Variants in ESYT2 observed in about 807,000 individuals in gnomAD.
ESYT2 encodes extended synaptotagmin-2.
In ESYT2, 54 loss-of-function variants were observed where a neutral mutation model predicts 107.2. The observed-to-expected ratio is 0.50, with a 90% CI of 0.40 to 0.63. The LOEUF is 0.63. ESYT2 is among the 30% of genes least tolerant of loss of function. The pLI, the probability that ESYT2 is intolerant of heterozygous loss-of-function variation, is 0.00. For missense variants in ESYT2, 1,020 were observed against 1,094.5 expected, an observed-to-expected ratio of 0.93 and a Z score of 0.96; for synonymous variants, 491 against 434.1, an observed-to-expected ratio of 1.13 and a Z score of -1.63.
intron 7 of ESYT2, among the ~76,000 whole-genome samples, chr7:158,769,661 C>T (rs901272835): frequency 2.0e-5 from 3 of 152,194 alleles, no homozygotes; most frequent in Non-Finnish European, 2.9e-5. Flanking sequence ...CTTATCAAAA[C>T]ATAACGGATA....
intron 1 of ESYT2, among the ~76,000 whole-genome samples, chr7:158,819,607 G>A (rs921081668): frequency 3.9e-5 from 6 of 152,112 alleles, no homozygotes; most frequent in African/African-American, 1.2e-4. Context: ...CAAAATCCAC[G>A]GAAATGTTGC....
At chr7:158,815,451 C>T (rs1036574234) in intron 1 of ESYT2, among the ~76,000 whole-genome samples, 3 of 148,756 alleles carry the variant, frequency 2.0e-5, no homozygotes, top group African/African-American at 7.5e-5. Context: ...CAAAGCTATT[C>T]CCCTGACATT....
chr7:158,740,910 G>C (rs1837173422), intron 18 of ESYT2, among the ~76,000 whole-genome samples: 1 of 152,062 alleles, frequency 6.6e-6, no homozygotes, highest in African/African-American at 2.4e-5. Context: ...CACACAGGGA[G>C]AACTATTTCA....
intron 14 of ESYT2, among the ~76,000 whole-genome samples, chr7:158,750,080 AT>A (rs1837532414): frequency 6.6e-6 from 1 of 152,204 alleles, no homozygotes; most frequent in Non-Finnish European, 1.5e-5. Flanking sequence ...ACCAAAAATC[AT>A]TAAAAGACAA....
chr7:158,733,334 CTGAT>C lies in ESYT2; in HGVS notation c.*869_*872del, dbSNP rs1836808038. ...CATTGAAAATTAACAAAGCTCATGA[CTGAT>C]TGTTTGACAACAGCTTAATTGCTAA... On this transcript the variant is annotated 3_prime_UTR_variant, in exon 23 of 23. Transcript: ENST00000275418. 1.3e-5 allele frequency: 2 copies of C among 152,192 alleles called. No individual in the cohort carries two copies. The highest frequency in any genetic ancestry group is 1.5e-5 in the Non-Finnish European group (1 of 68,026). The allele number at this position is 152,192 out of a possible 1,614,324, so 9.4% of individuals were successfully genotyped here.
chr7:158,743,497 C>T (rs1335147967), intron 17 of ESYT2, 32 bp downstream of exon 17: 1 of 1,589,374 alleles, frequency 6.3e-7, no homozygotes, highest in East Asian at 2.4e-5. Context: ...CTCCCCATCC[C>T]CTATGGTGTT....
chr7:158,797,231 C>A (rs1253144706), intron 3 of ESYT2, among the ~76,000 whole-genome samples: 1 of 152,170 alleles, frequency 6.6e-6, no homozygotes, highest in East Asian at 1.9e-4. Flanking sequence ...ACTGCACTCT[C>A]CACCTCCTGG....
chr7:158,800,773 C>T (rs111560521), intron 1 of ESYT2, among the ~76,000 whole-genome samples: 5 of 149,378 alleles, frequency 3.3e-5, no homozygotes, highest in East Asian at 2.0e-4. Context: ...CTGTCATCGA[C>T]GCTGGAGTGC....
intron 4 of ESYT2, among the ~76,000 whole-genome samples, chr7:158,791,372 A>C (rs1489645570): frequency 5.3e-5 from 8 of 152,230 alleles, no homozygotes; most frequent in African/African-American, 1.9e-4. Context: ...ATTGTAAAAA[A>C]TGCTGCTAAG....
rs565296312 is a variant in ESYT2 at position 158,810,757 on chromosome 7, T to C, written c.331-11685A>G. On this transcript the variant is annotated intron_variant, in intron 1 of 22. Transcript: ENST00000275418. ...ATTTACATGGGATGTCCAGAAGGTG[T>C]CTTCCTCTAGAGACAAAGCGAATTA... Among the ~76,000 whole-genome samples the C allele has an allele frequency of 9.2e-5, 14 of 151,976 alleles. No individual in the cohort carries two copies. The South Asian group carries it at 2.7e-3, about 29-fold the overall frequency.
intron 3 of ESYT2, among the ~76,000 whole-genome samples, chr7:158,796,454 T>C (rs1331373217): frequency 6.6e-6 from 1 of 152,206 alleles, no homozygotes; most frequent in Non-Finnish European, 1.5e-5. Flanking sequence ...AGTAGTTTTG[T>C]TTTTTAACAT....
At chr7:158,799,531 T>C (rs948264057) in intron 1 of ESYT2, among the ~76,000 whole-genome samples, 2 of 152,122 alleles carry the variant, frequency 1.3e-5, no homozygotes, top group African/African-American at 2.4e-5. Flanking sequence ...GAGGCTGAGG[T>C]AGGAGGATCC....
intron 1 of ESYT2, among the ~76,000 whole-genome samples, chr7:158,816,085 G>A (rs1840143109): frequency 6.6e-6 from 1 of 152,160 alleles, no homozygotes; most frequent in Non-Finnish European, 1.5e-5. Flanking sequence ...TTCGCTGGTG[G>A]AGGACTATCC....
chr7:158,782,465 CGA>C (rs1355492406), intron 6 of ESYT2, among the ~76,000 whole-genome samples: 3 of 150,348 alleles, frequency 2.0e-5, no homozygotes, highest in East Asian at 2.0e-4. Flanking sequence ...AGTGAGTGAA[CGA>C]GTGTGAGAAC....
At chr7:158,814,818 G>A (rs991151743) in intron 1 of ESYT2, among the ~76,000 whole-genome samples, 2 of 152,220 alleles carry the variant, frequency 1.3e-5, no homozygotes, top group Admixed American at 1.3e-4. Flanking sequence ...GGTGACTGCA[G>A]GGTCTCTCAG....
At chr7:158,803,118 T>C (rs1034480510) in intron 1 of ESYT2, among the ~76,000 whole-genome samples, 2 of 152,236 alleles carry the variant, frequency 1.3e-5, no homozygotes, top group Admixed American at 1.3e-4. Flanking sequence ...ATCGAGAGTG[T>C]GCCCTGGGGC....
rs368886014 is a variant in ESYT2 at position 158,829,115 on chromosome 7, C to A, written c.304G>T (p.Val102Leu). The A allele has an allele frequency of 1.0e-5, 16 of 1,578,858 alleles. No individual in the cohort carries two copies. The highest frequency in any genetic ancestry group is 1.4e-5 in the Non-Finnish European group (16 of 1,171,722). ...CAGGCGGGCAGGTCGCAGGCGCGCACCCCCAGGCGCACGACGCGCTCCTCG... is the reference window on the plus strand; with the variant it reads ...CAGGCGGGCAGGTCGCAGGCGCGCAACCCCAGGCGCACGACGCGCTCCTCG... ...EDEERVVRLG[V>L]RACDLPAWVH... The change falls in exon 1 of 23, where the codon GTG (valine) becomes TTG (leucine). Residue 102 changes from valine to leucine, a missense_variant. Transcript: ENST00000275418.
intron 13 of ESYT2, 105 bp downstream of exon 13, chr7:158,759,381 C>T (rs1262981206): frequency 3.4e-6 from 3 of 872,028 alleles, no homozygotes; most frequent in Non-Finnish European, 3.5e-6. Flanking sequence ...GAAAACACAA[C>T]AAGAAGAGAA....
intron 20 of ESYT2, among the ~76,000 whole-genome samples, chr7:158,736,298 G>GA (rs1376478754): frequency 2.6e-5 from 4 of 152,248 alleles, no homozygotes; most frequent in Admixed American, 2.6e-4. Context: ...AAAGTACAAT[G>GA]AATGAGGAGG....
Sources: gnomAD v4.1 joint callset for allele counts (sites outside exome capture counted in the v4.1 genomes callset) on GRCh38, gnomAD v4.1.1 for gene constraint, MANE v1.5 for transcripts, NCBI Gene and HGNC (gene_info 2026-07-23, HGNC 2026-07-21) for gene names.